The following LCORL variants were observed in gnomAD, a reference collection of about 807,000 sequenced individuals.
LCORL encodes the protein ligand dependent nuclear receptor corepressor like.
LCORL carries 41 observed loss-of-function variants against 141.8 expected under a neutral mutation model. The observed-to-expected ratio is 0.29, with a 90% confidence interval of 0.23 to 0.38. The LOEUF is 0.38. Among genes scored for constraint, LCORL ranks in the 10% least tolerant of loss-of-function variants. The pLI is 1.00. For missense variants in LCORL, 1,759 were observed against 2,035.0 expected (o/e 0.86, Z 2.61); for synonymous variants, 618 against 694.1 (o/e 0.89, Z 1.72).
intron 4 of LCORL, among the ~76,000 whole-genome samples, chr4:17,924,483 C>T (rs542289003): frequency 3.9e-5 from 6 of 152,218 alleles, no homozygotes; most frequent in African/African-American, 7.2e-5. Context: ...CACTATTCCT[C>T]GGGGTGATCA....
At chr4:17,893,227 A>G (rs6839301) in intron 5 of LCORL, 13,721 of 296,368 alleles carry the variant, frequency 0.046, 668 homozygotes, top group African/African-American at 0.16. Context: ...ACAGCATTAT[A>G]CATTCTTTTA....
exon 7 of LCORL, chr4:17,877,020 T>C: frequency 2.4e-6 from 3 of 1,230,816 alleles, no homozygotes; most frequent in African/African-American, 3.1e-5. Context: ...TATCTCATTG[T>C]TTTGTGTCAA....
intron 1 of LCORL, among the ~76,000 whole-genome samples, chr4:17,997,160 T>C (rs939892608): frequency 6.6e-6 from 1 of 152,168 alleles, no homozygotes; most frequent in African/African-American, 2.4e-5. Flanking sequence ...AACAATTACC[T>C]AACCACACTA....
Position 18,016,518 on chromosome 4 carries a change from C to T in LCORL, c.154+5080G>A, listed in dbSNP as rs547015952. 2.6e-5 allele frequency among the ~76,000 whole-genome samples: 4 copies of T among 152,232 alleles called. No homozygotes were observed. The South Asian group carries it at 6.2e-4, about 24-fold the overall frequency. On this transcript the variant is annotated intron_variant, in intron 1 of 7. Coordinates refer to ENST00000635767, the Ensembl canonical transcript of LCORL. Reference sequence around the variant, plus strand: ...TGGCTGGAGCAACTACTGTACAGAACTGAACTATGCAAAGTGAAAGCCATT... The same window carrying T: ...TGGCTGGAGCAACTACTGTACAGAATTGAACTATGCAAAGTGAAAGCCATT...
chr4:17,912,535 A>T (rs1732731475), intron 4 of LCORL: 3 of 477,170 alleles, frequency 6.3e-6, no homozygotes, highest in Non-Finnish European at 1.2e-5. Flanking sequence ...AGAGCACCAC[A>T]GTCATCACCA....
chr4:17,918,807 G>T (rs958802336), intron 4 of LCORL, among the ~76,000 whole-genome samples: 1 of 152,056 alleles, frequency 6.6e-6, no homozygotes, highest in African/African-American at 2.4e-5. Context: ...GAAAAAAATG[G>T]CAATGCCCCC....
At chr4:17,998,989 T>A (rs866110212) in intron 1 of LCORL, among the ~76,000 whole-genome samples, 1,264 of 52,128 alleles carry the variant, frequency 0.024, 14 homozygotes, top group African/African-American at 0.043. Context: ...AAAAAAAATA[T>A]ATATATATAT....
chr4:17,914,516 A>G (rs1733080344), intron 4 of LCORL, among the ~76,000 whole-genome samples: 1 of 152,242 alleles, frequency 6.6e-6, no homozygotes, highest in Non-Finnish European at 1.5e-5. Context: ...GAATAAGTCC[A>G]TGTTTGAGAC....
chr4:17,843,782 T>C (rs760864323), exon 8 of LCORL: 1 of 159,906 alleles, frequency 6.3e-6, no homozygotes, highest in African/African-American at 2.4e-5. Flanking sequence ...GAGAAGCTTA[T>C]GACTTAGATG....
chr4:18,021,706 CA>C lies in LCORL; in HGVS notation c.45del (p.Ala16ProfsTer36). Reference sequence around the variant, plus strand: ...CACTGAGCGGCGGCGGCGGCGGCGGCAGCAGCGGCGGCGGCAGCGGCCATTC... The same window carrying C: ...CACTGAGCGGCGGCGGCGGCGGCGGCGCAGCGGCGGCGGCAGCGGCCATTC... On this transcript the variant is annotated frameshift_variant, in exon 1 of 8. Coordinates refer to ENST00000635767, the Ensembl canonical transcript of LCORL. LOFTEE classifies it high-confidence loss of function. The surrounding 1 kb of genome is among the most constrained non-coding windows in gnomAD (Gnocchi z 5.5). 7.2e-6 allele frequency: 11 copies of C among 1,528,110 alleles called. No individual in the cohort carries two copies. Among genetic ancestry groups the C allele is most frequent in the Non-Finnish European group, 9.7e-6 (11 of 1,138,082 alleles). 94.7% of individuals were successfully genotyped at this position (1,528,110 alleles called of 1,614,324 possible).
chr4:17,959,437 T>C (rs1026164890), intron 4 of LCORL, among the ~76,000 whole-genome samples: 2 of 152,018 alleles, frequency 1.3e-5, no homozygotes, highest in South Asian at 4.1e-4. Context: ...ATTTAACTTT[T>C]CTGAGCTTCA....
intron 1 of LCORL, among the ~76,000 whole-genome samples, chr4:17,985,123 T>C (rs955659153): frequency 6.6e-6 from 1 of 152,126 alleles, no homozygotes; most frequent in Non-Finnish European, 1.5e-5. Context: ...TGAGCTGTGG[T>C]CTGAGAGTTT....
At chr4:17,988,610 T>C (rs1719431661) in intron 1 of LCORL, among the ~76,000 whole-genome samples, 2 of 145,730 alleles carry the variant, frequency 1.4e-5, no homozygotes, top group African/African-American at 5.4e-5. Flanking sequence ...TTATCATTTC[T>C]TTAATAAAGG....
exon 7 of LCORL, chr4:17,874,608 C>T (rs1726721403): frequency 3.2e-6 from 4 of 1,233,676 alleles, no homozygotes; most frequent in Non-Finnish European, 4.0e-6. Context: ...TTTATGAATA[C>T]AATTTTCAGC....
intron 4 of LCORL, among the ~76,000 whole-genome samples, chr4:17,928,567 G>C (rs1001745612): frequency 6.6e-6 from 1 of 152,146 alleles, no homozygotes; most frequent in Admixed American, 6.5e-5. Flanking sequence ...AACAAGCTAG[G>C]AACAGAAGAA....
At chr4:18,007,295 G>A (rs1019391578) in intron 1 of LCORL, among the ~76,000 whole-genome samples, 2 of 152,096 alleles carry the variant, frequency 1.3e-5, no homozygotes, top group African/African-American at 4.8e-5. Context: ...TAAATTCTAA[G>A]TATAAGCACT....
intron 4 of LCORL, among the ~76,000 whole-genome samples, chr4:17,920,042 C>T (rs73098827): frequency 0.018 from 2,680 of 152,330 alleles, 92 homozygotes; most frequent in African/African-American, 0.061. Flanking sequence ...ATCTCTTCAT[C>T]GGTATCCTCT....
intron 7 of LCORL, among the ~76,000 whole-genome samples, chr4:17,871,618 TATG>T (rs1726341277): frequency 6.6e-6 from 1 of 152,018 alleles, no homozygotes; most frequent in Non-Finnish European, 1.5e-5. Context: ...AACAGCATGA[TATG>T]AGGATGATAT....
At chr4:17,878,574 T>A (rs1214188107) in intron 6 of LCORL, among the ~76,000 whole-genome samples, 1 of 151,414 alleles carries the variant, frequency 6.6e-6, no homozygotes, top group Non-Finnish European at 1.5e-5. Flanking sequence ...ATTATTCTGA[T>A]ACATAATTAT....
Sources: gnomAD v4.1 joint callset for allele counts (sites outside exome capture counted in the v4.1 genomes callset) on GRCh38, gnomAD v4.1.1 for gene constraint, Gnocchi (gnomAD v3.1) non-coding constraint, MANE v1.5 for transcripts, NCBI Gene and HGNC (gene_info 2026-07-23, HGNC 2026-07-21) for gene names.